Variants in KCNMA1 observed in about 807,000 individuals in gnomAD.
KCNMA1 encodes the protein Calcium-activated potassium channel subunit alpha-1.
A neutral mutation model predicts 140.0 loss-of-function variants in KCNMA1; 29 were observed. That is an observed-to-expected ratio of 0.21 (90% CI 0.15 to 0.28). KCNMA1 has a LOEUF of 0.28. Ranked by LOEUF, KCNMA1 falls within the 10% of genes least tolerant of loss-of-function variation. The probability of loss-of-function intolerance (pLI) is 1.00; values close to 1 mark genes in which losing one functional copy is unlikely to be tolerated. For missense variants in KCNMA1, 880 were observed against 1,602.2 expected (o/e 0.55, Z 7.70); for synonymous variants, 612 against 611.9 (o/e 1.00, Z 0.00).
At chr10:77,163,693 T>C (rs2098598537) in intron 5 of KCNMA1, among the ~76,000 whole-genome samples, 1 of 152,172 alleles carries the variant, frequency 6.6e-6, no homozygotes, top group Admixed American at 6.5e-5. Context: ...GTACATGGGG[T>C]AAGCTTCCAT....
At chr10:76,950,962 C>T (rs896290660) in intron 21 of KCNMA1, among the ~76,000 whole-genome samples, 4 of 152,290 alleles carry the variant, frequency 2.6e-5, no homozygotes, top group East Asian at 1.9e-4. Flanking sequence ...CTGGGCCGCA[C>T]GGAAGTGCAA....
intron 10 of KCNMA1, 99 bp downstream of exon 10, chr10:77,090,301 G>A (rs2096782985): frequency 1.2e-6 from 1 of 867,738 alleles, no homozygotes; most frequent in African/African-American, 1.7e-5. Flanking sequence ...CCCATCCCCA[G>A]TGCCATTCCC....
At chr10:77,377,315 G>T (rs78225072) in intron 2 of KCNMA1, among the ~76,000 whole-genome samples, 1 of 152,058 alleles carries the variant, frequency 6.6e-6, no homozygotes, top group African/African-American at 2.4e-5. Flanking sequence ...TCTTTCCCAC[G>T]CCAAGGACAA....
intron 1 of KCNMA1, among the ~76,000 whole-genome samples, chr10:77,602,841 A>G (rs1244878127): frequency 1.3e-5 from 2 of 152,220 alleles, no homozygotes; most frequent in African/African-American, 2.4e-5. Context: ...GAACATTCTC[A>G]GAGCATGTCC....
intron 2 of KCNMA1, among the ~76,000 whole-genome samples, chr10:77,390,802 C>G (rs991515304): frequency 6.6e-6 from 1 of 152,132 alleles, no homozygotes; most frequent in Non-Finnish European, 1.5e-5. Context: ...CAGCAGCAGC[C>G]AGGGAGCTGG....
intron 5 of KCNMA1, among the ~76,000 whole-genome samples, chr10:77,166,080 G>A (rs2098638660): frequency 1.3e-5 from 2 of 152,134 alleles, no homozygotes; most frequent in South Asian, 4.1e-4. Context: ...TTTCCTATAG[G>A]TCCCCTTTGT....
At chr10:77,289,756 G>A (rs2072501025) in intron 2 of KCNMA1, among the ~76,000 whole-genome samples, 1 of 152,120 alleles carries the variant, frequency 6.6e-6, no homozygotes, top group African/African-American at 2.4e-5. Flanking sequence ...CTTCAAAATA[G>A]TACATCAAAA....
At chr10:76,922,137 G>A (rs1407931715) in intron 23 of KCNMA1, among the ~76,000 whole-genome samples, 1 of 152,176 alleles carries the variant, frequency 6.6e-6, no homozygotes, top group East Asian at 1.9e-4. Context: ...ATAATTCTGT[G>A]ACTCCTGAGC....
intron 1 of KCNMA1, among the ~76,000 whole-genome samples, chr10:77,433,345 G>T (rs554962417): frequency 6.6e-6 from 1 of 152,212 alleles, no homozygotes; most frequent in Non-Finnish European, 1.5e-5. Context: ...TAGAGACAGG[G>T]TTTCACCATG....
intron 1 of KCNMA1, among the ~76,000 whole-genome samples, chr10:77,525,811 C>T (rs2055387784): frequency 6.6e-6 from 1 of 152,186 alleles, no homozygotes; most frequent in African/African-American, 2.4e-5. Context: ...CCCATCTTGT[C>T]CAGGTTCCCA....
intron 5 of KCNMA1, among the ~76,000 whole-genome samples, chr10:77,122,205 A>G (rs1237923414): frequency 6.6e-6 from 1 of 152,182 alleles, no homozygotes; most frequent in African/African-American, 2.4e-5. Context: ...TTTAGGTAAT[A>G]AGGGAAAATT....
chr10:77,267,820 G>T (rs2063836186), intron 2 of KCNMA1, among the ~76,000 whole-genome samples: 2 of 152,144 alleles, frequency 1.3e-5, no homozygotes, highest in Non-Finnish European at 2.9e-5. Context: ...TGCTGCATGT[G>T]GCACTGAGCT....
intron 1 of KCNMA1, among the ~76,000 whole-genome samples, chr10:77,483,276 C>T (rs1406186435): frequency 6.6e-6 from 1 of 152,218 alleles, no homozygotes; most frequent in Non-Finnish European, 1.5e-5. Context: ...CCTCTGTTCT[C>T]TTCAACTTTT....
At chr10:77,334,538 A>G (rs1055138490) in intron 2 of KCNMA1, among the ~76,000 whole-genome samples, 1 of 152,174 alleles carries the variant, frequency 6.6e-6, no homozygotes, top group Admixed American at 6.5e-5. Flanking sequence ...CACTGTTATC[A>G]TTCACAATTA....
intron 14 of KCNMA1, among the ~76,000 whole-genome samples, chr10:77,052,694 A>G (rs1247773): frequency 0.94 from 142,671 of 151,940 alleles, 67,106 homozygotes; most frequent in African/African-American, 0.98. Flanking sequence ...TGGAGGACAG[A>G]CAGAGCAGTA....
intron 1 of KCNMA1, among the ~76,000 whole-genome samples, chr10:77,524,406 CA>C (rs1353247534): frequency 5.9e-5 from 9 of 152,232 alleles, no homozygotes; most frequent in African/African-American, 2.2e-4. Flanking sequence ...CTCAGACCAA[CA>C]GAGCTCCAGC....
chr10:77,324,953 CTCTCTCTCTCTCTCTCTCTGTGTG>C (rs2154358967), intron 2 of KCNMA1, among the ~76,000 whole-genome samples: 1 of 81,416 alleles, frequency 1.2e-5, no homozygotes, highest in South Asian at 5.1e-4. Context: ...CTCTCTCTCT[CTCTCTCTCTCTCTCTCTCTGTGTG>C]TGTGTGTGTG....
chr10:77,415,247 C>T (rs1374028647), intron 1 of KCNMA1, among the ~76,000 whole-genome samples: 1 of 152,216 alleles, frequency 6.6e-6, no homozygotes, highest in Admixed American at 6.5e-5. Context: ...GGCCAATGTG[C>T]CGTATTTGTA....
Position 77,637,446 on chromosome 10 carries a change from A to G in KCNMA1, c.197T>C (p.Met66Thr). 1.9e-6 allele frequency: 3 copies of G among 1,613,388 alleles called. No homozygotes were observed. Among genetic ancestry groups the G allele is most frequent in the Non-Finnish European group, 2.5e-6 (3 of 1,179,718 alleles). ...GGTCACCGGGATGATGAGCGCATCC[A>G]TCTTGGGCTCGTGGACCGAGGACGA... ...SSSSSVHEPK[M>T]DALIIPVTME... Residue 66 changes from methionine to threonine, a missense_variant, in exon 1 of 28, where the codon ATG becomes ACG. By Grantham distance (81) the Met-to-Thr change is moderately conservative. Coordinates refer to ENST00000286628, the MANE Select transcript of KCNMA1 (RefSeq NM_001161352.2).
Sources: allele counts gnomAD v4.1 joint callset (sites outside exome capture counted in the v4.1 genomes callset), GRCh38; gene constraint gnomAD v4.1.1; transcripts MANE v1.5; gene names NCBI Gene and HGNC (gene_info 2026-07-23, HGNC 2026-07-21).